ESR1: variants seen among roughly 807,000 people sequenced by gnomAD.
ESR1 encodes estrogen receptor.
A neutral mutation model predicts 52.7 loss-of-function variants in ESR1; 12 were observed. The ratio of observed to expected loss-of-function variants is 0.23; its 90% CI spans 0.15 to 0.37. ESR1 has a LOEUF of 0.37. Among genes scored for constraint, ESR1 ranks in the 10% least tolerant of loss-of-function variants. ESR1 has a pLI of 1.00. For synonymous variants in ESR1, 305 were observed against 316.8 expected, an observed-to-expected ratio of 0.96 and a Z score of 0.39; for missense variants, 584 against 779.7, an observed-to-expected ratio of 0.75 and a Z score of 2.99.
intron 5 of ESR1, among the ~76,000 whole-genome samples, chr6:152,028,853 G>A (rs1240996843): frequency 2.0e-5 from 3 of 152,214 alleles, no homozygotes; most frequent in African/African-American, 7.2e-5. Context: ...CTCCTCAAGT[G>A]GGTCCCTGAC....
At chr6:151,702,028 CCT>C (rs1779828942) in intron 2 of ESR1, 1 of 152,188 alleles carries the variant, frequency 6.6e-6, no homozygotes, top group Non-Finnish European at 1.5e-5. Context: ...ATACTAGTTT[CCT>C]CTTTCTCTCT....
At chr6:151,991,658 G>T (rs1458191280) in intron 4 of ESR1, among the ~76,000 whole-genome samples, 2 of 152,148 alleles carry the variant, frequency 1.3e-5, no homozygotes, top group African/African-American at 4.8e-5. Flanking sequence ...TGTCTCAATG[G>T]CATGAGGAGC....
intron 4 of ESR1, among the ~76,000 whole-genome samples, chr6:151,959,103 G>A (rs889794163): frequency 6.6e-6 from 1 of 152,054 alleles, no homozygotes; most frequent in African/African-American, 2.4e-5. Context: ...GGGCATCTCT[G>A]ACGAGCTCCA....
intron 1 of ESR1, among the ~76,000 whole-genome samples, chr6:151,837,616 C>G (rs376974493): frequency 6.6e-6 from 1 of 152,136 alleles, no homozygotes; most frequent in East Asian, 1.9e-4. Context: ...AATGCATTGT[C>G]ATAGATGCGT....
At chr6:151,826,241 C>A (rs1781480342) in intron 1 of ESR1, among the ~76,000 whole-genome samples, 1 of 152,110 alleles carries the variant, frequency 6.6e-6, no homozygotes, top group Non-Finnish European at 1.5e-5. Flanking sequence ...CCTATAAGGG[C>A]AATAAAGATA....
chr6:151,913,182 A>G (rs2128442128), intron 3 of ESR1, among the ~76,000 whole-genome samples: 1 of 152,330 alleles, frequency 6.6e-6, no homozygotes, highest in Middle Eastern at 3.4e-3. Flanking sequence ...GGTGAAAATC[A>G]CTTTCTAAGA....
intron 2 of ESR1, among the ~76,000 whole-genome samples, chr6:151,846,780 T>C (rs1178599206): frequency 6.6e-6 from 1 of 152,100 alleles, no homozygotes; most frequent in African/African-American, 2.4e-5. Context: ...AGGGGCAAAA[T>C]TGGATATTTT....
At chr6:151,683,790 C>T (rs1040280510) in intron 1 of ESR1, among the ~76,000 whole-genome samples, 1 of 151,980 alleles carries the variant, frequency 6.6e-6, no homozygotes, top group Non-Finnish European at 1.5e-5. Context: ...CCTCCACCTC[C>T]CAGGTTCAAG....
chr6:151,896,909 A>T (rs1437456223), intron 3 of ESR1, among the ~76,000 whole-genome samples: 1 of 152,140 alleles, frequency 6.6e-6, no homozygotes, highest in African/African-American at 2.4e-5. Flanking sequence ...GAAGAATTTT[A>T]AAATTTTCAT....
At chr6:151,911,335 CAG>C (rs1798224965) in intron 3 of ESR1, among the ~76,000 whole-genome samples, 1 of 152,234 alleles carries the variant, frequency 6.6e-6, no homozygotes, top group South Asian at 2.1e-4. Flanking sequence ...ATTTTAGTCT[CAG>C]ATATTTTGAT....
chr6:151,958,973 C>CGTGTGTGTGTGT (rs58501088), intron 4 of ESR1, among the ~76,000 whole-genome samples: 12,765 of 148,752 alleles, frequency 0.086, 858 homozygotes, highest in African/African-American at 0.18. Context: ...AAAAAGTTTC[C>CGTGTGTGTGTGT]GTGTGTGTGT....
rs974708161 is a variant in ESR1, at chr6:151,675,224, A to G, written n.73+18461A>G. On this transcript the variant is annotated intron_variant and non_coding_transcript_variant, in intron 1 of 2. Coordinates refer to the ESR1 transcript ENST00000473497. ...TATGGTTTAGAAAACATTACTAATT[A>G]CGTGCGTATTCATTGATTTATTCAC... is the stretch of plus-strand genomic sequence containing the variant. 5.3e-5 allele frequency among the ~76,000 whole-genome samples: 8 copies of G among 152,348 alleles called. No individual in the cohort carries two copies. In the East Asian group the frequency reaches 1.5e-3, roughly 29 times the overall value.
intron 1 of ESR1, 58 bp downstream of exon 1, chr6:151,808,422 G>T: frequency 8.4e-7 from 1 of 1,184,112 alleles, no homozygotes; most frequent in Non-Finnish European, 1.1e-6. Context: ...GAGGGAGGGA[G>T]GGAGGGAGGG....
chr6:151,796,194 A>G lies in ESR1; in HGVS notation c.-70-11649A>G, dbSNP rs543148992. Among the ~76,000 whole-genome samples, 7 of 152,054 alleles carry G rather than the reference A, an allele frequency of 4.6e-5. No individual in the cohort carries two copies. The East Asian group carries it at 9.7e-4, about 21-fold the overall frequency. ...AAAAAAAAAAAGAAAACAGAACAAA[A>G]CAAAAAATGAGGAAGATGTTTATTT... On this transcript the variant is annotated intron_variant, in intron 2 of 2. Transcript: ENST00000404742.
chr6:152,042,076 G>C (rs953254702), intron 5 of ESR1, among the ~76,000 whole-genome samples: 1 of 152,206 alleles, frequency 6.6e-6, no homozygotes, highest in Non-Finnish European at 1.5e-5. Context: ...CATCTTTGAA[G>C]TCCTTGATGG....
At chr6:151,796,937 C>T (rs1776768061) in intron 2 of ESR1, among the ~76,000 whole-genome samples, 1 of 152,338 alleles carries the variant, frequency 6.6e-6, no homozygotes, top group Non-Finnish European at 1.5e-5. Context: ...AACCACCTTC[C>T]TCCCAACCTA....
chr6:152,041,118 G>A (rs2045758471), intron 5 of ESR1, among the ~76,000 whole-genome samples: 1 of 152,210 alleles, frequency 6.6e-6, no homozygotes, highest in Non-Finnish European at 1.5e-5. Flanking sequence ...CACAAGGAGA[G>A]TAGTTATCTG....
At chr6:151,884,694 T>C (rs1793556200) in intron 3 of ESR1, among the ~76,000 whole-genome samples, 1 of 152,328 alleles carries the variant, frequency 6.6e-6, no homozygotes, top group South Asian at 2.1e-4. Context: ...TTCTGAATCA[T>C]GGTAGTTCTA....
intron 4 of ESR1, among the ~76,000 whole-genome samples, chr6:151,951,477 T>C (rs943012072): frequency 1.3e-5 from 2 of 152,246 alleles, no homozygotes; most frequent in African/African-American, 2.4e-5. Flanking sequence ...TTAATTTATA[T>C]TAACTGCATA....
Sources: allele counts gnomAD v4.1 joint callset (sites outside exome capture counted in the v4.1 genomes callset), GRCh38; gene constraint gnomAD v4.1.1; transcripts MANE v1.5; gene names NCBI Gene and HGNC (gene_info 2026-07-23, HGNC 2026-07-21).